Variants in GMEB1 observed in about 807,000 individuals in gnomAD.
The protein encoded by GMEB1 is glucocorticoid modulatory element binding protein 1.
GMEB1 carries 6 observed loss-of-function variants against 52.4 expected under a neutral mutation model. The observed-to-expected ratio is 0.11, with a 90% CI of 0.06 to 0.23. The LOEUF (loss-of-function observed/expected upper bound fraction) is 0.23, where lower values mean the gene tolerates loss of function less well. GMEB1 is among the 10% of genes least tolerant of loss of function. The probability of loss-of-function intolerance (pLI) is 1.00; values close to 1 mark genes in which losing one functional copy is unlikely to be tolerated. For missense variants in GMEB1, 486 were observed against 685.6 expected, an observed-to-expected ratio of 0.71 and a Z score of 3.25; for synonymous variants, 255 against 244.9, an observed-to-expected ratio of 1.04 and a Z score of -0.38.
chr1:28,682,909 A>G (rs1457308133), intron 1 of GMEB1, among the ~76,000 whole-genome samples: 2 of 152,126 alleles, frequency 1.3e-5, no homozygotes, highest in Admixed American at 6.6e-5. Flanking sequence ...GTGCTTGTCA[A>G]TTTCGGGTCT....
In GMEB1 at chr1:28,690,204, T is replaced by TG. The variant is rs752822510; in HGVS notation, c.211+18_211+19insG. 1.8e-4 allele frequency: 87 copies of TG among 475,100 alleles called. No individual in the cohort carries two copies. The highest frequency in any genetic ancestry group is 2.2e-4 in the Non-Finnish European group (67 of 310,456). The allele number at this position is 475,100 out of a possible 1,614,324, so 29.4% of individuals were successfully genotyped here. A position where few individuals can be genotyped will look rare whatever the true frequency, so the allele number is the denominator to read the frequency against. On this transcript the variant is annotated intron_variant, in intron 3 of 9. Coordinates refer to ENST00000373816, the MANE Select transcript of GMEB1 (RefSeq NM_001319674.2). The stretch of plus-strand genomic sequence containing the variant: ...AGGGATTGGTAAGGGTTTTTTTGTG[T>TG]TTTTTTTTTTTTTTTTTTTTGTCAT...
chr1:28,708,206 C>G (rs938839272), intron 8 of GMEB1, among the ~76,000 whole-genome samples: 3 of 151,494 alleles, frequency 2.0e-5, no homozygotes, highest in Admixed American at 6.6e-5. Flanking sequence ...GCTCTATCAC[C>G]CAGGCTGGAG....
chr1:28,709,969 A>T (rs945694729), intron 8 of GMEB1, among the ~76,000 whole-genome samples: 1 of 151,924 alleles, frequency 6.6e-6, no homozygotes, highest in Non-Finnish European at 1.5e-5. Flanking sequence ...CAATGTGGTG[A>T]AACCCCATCT....
In GMEB1 at chr1:28,700,098, A is replaced by G. The variant is rs556139152; in HGVS notation, c.599-2340A>G. Among the ~76,000 whole-genome samples the G allele has an allele frequency of 3.3e-3, 494 of 149,780 alleles. 2 individuals carry two copies. The highest frequency in any genetic ancestry group is 0.012 in the African/African-American group (477 of 40,846). On this transcript the variant is annotated intron_variant, in intron 6 of 9. Transcript: ENST00000373816. Reference sequence around the variant, plus strand: ...AAAAAAAAAGATCTTGGCCGGGTGCAGCGGCCCACGCCTATAATCGCAGCA... The same window carrying G: ...AAAAAAAAAGATCTTGGCCGGGTGCGGCGGCCCACGCCTATAATCGCAGCA...
chr1:28,686,045 T>G (rs565873465), intron 2 of GMEB1, among the ~76,000 whole-genome samples: 1 of 152,272 alleles, frequency 6.6e-6, no homozygotes, highest in African/African-American at 2.4e-5. Context: ...ATTTACTGGT[T>G]GTTGAAATTA....
chr1:28,688,378 A>G (rs1557505263), intron 2 of GMEB1, among the ~76,000 whole-genome samples: 1 of 152,200 alleles, frequency 6.6e-6, no homozygotes, highest in African/African-American at 2.4e-5. Flanking sequence ...TAGAGGTATC[A>G]CTGTGGAGGT....
At chr1:28,695,463 C>T (rs1670157304) in intron 5 of GMEB1, among the ~76,000 whole-genome samples, 1 of 151,436 alleles carries the variant, frequency 6.6e-6, no homozygotes, top group African/African-American at 2.4e-5. Context: ...AACTCCCAAG[C>T]TTAGGTGATC....
In GMEB1 at chr1:28,714,048, CAA is replaced by C. The variant is rs757571801; in HGVS notation, c.992-23_992-22del. Reference sequence around the variant, plus strand: ...TCCCAAGATTTTACTTCCCTCTACACAAAGTCTTTTCTTTTTTTCCATAGACT... The same window carrying C: ...TCCCAAGATTTTACTTCCCTCTACACAGTCTTTTCTTTTTTTCCATAGACT... On this transcript the variant is annotated intron_variant, in intron 9 of 9. Coordinates refer to ENST00000373816, the MANE Select transcript of GMEB1 (RefSeq NM_001319674.2). The C allele has an allele frequency of 3.8e-6, 6 of 1,563,402 alleles. No homozygotes were observed. The Admixed American group carries it at 5.3e-5, about 14-fold the overall frequency.
chr1:28,702,789 C>T lies in GMEB1; in HGVS notation c.730+220C>T, dbSNP rs186053994. ...AGAATTGGCCGGGCGCAGTGGCTGA[C>T]GTCTGTAATTCCAGCACTTTGGGAG... On this transcript the variant is annotated intron_variant, in intron 7 of 9. Coordinates refer to ENST00000373816, the MANE Select transcript of GMEB1 (RefSeq NM_001319674.2). Among the ~76,000 whole-genome samples the T allele has an allele frequency of 1.4e-4, 21 of 152,178 alleles. No homozygotes were observed. The East Asian group carries it at 2.7e-3, about 20-fold the overall frequency.
chr1:28,677,074 A>G (rs948056300), intron 1 of GMEB1, among the ~76,000 whole-genome samples: 1 of 152,150 alleles, frequency 6.6e-6, no homozygotes, highest in Non-Finnish European at 1.5e-5. Flanking sequence ...AAGAATTGCC[A>G]TCAGGCTATG....
At chr1:28,691,422 G>C (rs925838794) in intron 3 of GMEB1, among the ~76,000 whole-genome samples, 163 bp from the exon 4 acceptor site, 2 of 152,132 alleles carry the variant, frequency 1.3e-5, no homozygotes, top group African/African-American at 4.8e-5. Context: ...TGAGAGCTTG[G>C]GAAGAGATAG....
chr1:28,717,258 CA>C lies in GMEB1; in HGVS notation c.*2486del, dbSNP rs1375135451. 4 of 149,508 alleles carry C rather than the reference CA, an allele frequency of 2.7e-5. No homozygotes were observed. Among genetic ancestry groups the C allele is most frequent in the African/African-American group, 9.8e-5 (4 of 40,780 alleles). 9.3% of individuals were successfully genotyped at this position (149,508 alleles called of 1,614,324 possible). A position where few individuals can be genotyped will look rare whatever the true frequency, so the allele number is the denominator to read the frequency against. ...AGGCTGGAGTGCAATGGTGTGATCT[CA>C]GCTCACTGCAACCTCCGCCTCCTTG... On this transcript the variant is annotated 3_prime_UTR_variant, in exon 10 of 10. Coordinates refer to ENST00000373816, the MANE Select transcript of GMEB1 (RefSeq NM_001319674.2).
In GMEB1 at chr1:28,714,695, T is replaced by G; in HGVS notation, c.1614T>G (p.Thr538=). 6.2e-7 allele frequency: 1 copy of G among 1,614,132 alleles called. No individual in the cohort carries two copies. The highest frequency in any genetic ancestry group is 1.1e-5 in the South Asian group (1 of 91,084). Residue 538 remains threonine (T), a synonymous_variant, in exon 10 of 10, where the codon ACT becomes ACG. Transcript: ENST00000373816. ...KAVILETELR[T]EEKVVAEMEE... ...TCATCTTGGAGACAGAGCTGAGGAC[T>G]GAGGAGAAAGTTGTGGCTGAGATGG...
chr1:28,680,650 G>A (rs1570387769), intron 1 of GMEB1, among the ~76,000 whole-genome samples: 1 of 151,604 alleles, frequency 6.6e-6, no homozygotes, highest in Non-Finnish European at 1.5e-5. Flanking sequence ...CAGGAGAATC[G>A]CTTGAACCTA....
At chr1:28,669,070 G>A (rs1181159737) in intron 1 of GMEB1, among the ~76,000 whole-genome samples, 1 of 146,960 alleles carries the variant, frequency 6.8e-6, no homozygotes, top group Non-Finnish European at 1.5e-5. Context: ...GGGTCCGCCC[G>A]AGCCGCCGGG....
At position 28,706,012 on chromosome 1, in the gene GMEB1, G is replaced by A. The variant is rs1471991881; in HGVS notation, c.868+1683G>A. Among the ~76,000 whole-genome samples the A allele has an allele frequency of 2.6e-5, 4 of 151,530 alleles. No homozygotes were observed. The South Asian group carries it at 6.2e-4, about 24-fold the overall frequency. On this transcript the variant is annotated intron_variant, in intron 8 of 9. Transcript: ENST00000373816. The stretch of plus-strand genomic sequence containing the variant: ...TACTAAAAATACAGAAAATTAGCCG[G>A]GCGCGGTGGCGGACGCCTGTAGTCT...
chr1:28,668,888 G>T (rs996059392), intron 1 of GMEB1, 49 bp downstream of exon 1: 3 of 143,820 alleles, frequency 2.1e-5, no homozygotes, highest in African/African-American at 2.5e-5. Context: ...GGGTGGGGGC[G>T]GGGGGGCGGG....
chr1:28,714,169 C>G lies in GMEB1; in HGVS notation c.1088C>G (p.Thr363Ser). The G allele has an allele frequency of 1.2e-6, 2 of 1,614,174 alleles. No homozygotes were observed. Among genetic ancestry groups the G allele is most frequent in the African/African-American group, 2.7e-5 (2 of 75,054 alleles). The change falls in exon 10 of 10, where the codon ACT (threonine) becomes AGT (serine). Residue 363 changes from threonine to serine, a missense_variant. Transcript: ENST00000373816. ...AATGTGGTACTGATGCCTGTGAGCA[C>G]TCCTAAGCCTCCAAAAAGGCCCCGG... ...VQNVVLMPVS[T>S]PKPPKRPRLQ...
At chr1:28,687,003 T>C (rs564823469) in intron 2 of GMEB1, among the ~76,000 whole-genome samples, 3 of 151,862 alleles carry the variant, frequency 2.0e-5, no homozygotes, top group African/African-American at 7.2e-5. Context: ...TTGAAGGGAT[T>C]AGGAAGGAAA....
Sources: allele counts gnomAD v4.1 joint callset (sites outside exome capture counted in the v4.1 genomes callset), GRCh38; gene constraint gnomAD v4.1.1; transcripts MANE v1.5; gene names NCBI Gene and HGNC (gene_info 2026-07-23, HGNC 2026-07-21).